CPLANE1: variants seen among roughly 807,000 people sequenced by gnomAD.
The protein encoded by CPLANE1 is ciliogenesis and planar polarity effector 1.
A neutral mutation model predicts 362.5 loss-of-function variants in CPLANE1; 263 were observed. That is an observed-to-expected ratio of 0.73 (90% CI 0.66 to 0.80). The LOEUF (loss-of-function observed/expected upper bound fraction) is 0.80, where lower values mean the gene tolerates loss of function less well. Among genes scored for constraint, CPLANE1 ranks in the 30% least tolerant of loss-of-function variants. The pLI is 0.00. For synonymous variants in CPLANE1, 1,212 were observed against 1,302.6 expected (o/e 0.93, Z 1.50); for missense variants, 3,461 against 3,793.4 (o/e 0.91, Z 2.30).
chr5:37,096,602 C>G, the CPLANE1 span, among the ~76,000 whole-genome samples: 20 of 152,140 alleles, frequency 1.3e-4, no homozygotes, highest in African/African-American at 4.8e-4. Context: ...AAGGAAGAGT[C>G]AGCAGAGTAA....
intron 10 of CPLANE1, 44 bp from the exon 11 acceptor site, chr5:37,227,436 C>T: frequency 6.6e-7 from 1 of 1,505,106 alleles, no homozygotes; most frequent in South Asian, 1.3e-5. Flanking sequence ...AAAATGTTAT[C>T]TGTAATTCTA....
chr5:37,235,905 T>C (rs1226789429), intron 8 of CPLANE1, among the ~76,000 whole-genome samples: 1 of 149,074 alleles, frequency 6.7e-6, no homozygotes, highest in Non-Finnish European at 1.5e-5. Flanking sequence ...GTTTCACTCT[T>C]GTTGCCCAGG....
In CPLANE1 at chr5:37,240,844, TA is replaced by T. The variant is rs1800246596; in HGVS notation, c.678-976del. On this transcript the variant is annotated intron_variant, in intron 6 of 52. Transcript: ENST00000651892. ...TTTTTATATGCAACCCCAAATATAT[TA>T]TACCTGCTTCCACTAAAAGTTTGGA... is the stretch of plus-strand genomic sequence containing the variant. 2.6e-5 allele frequency among the ~76,000 whole-genome samples: 4 copies of T among 152,358 alleles called. No individual in the cohort carries two copies. In the East Asian group the frequency reaches 7.7e-4, roughly 29 times the overall value.
downstream of CPLANE1, among the ~76,000 whole-genome samples, chr5:37,104,874 G>C (rs779007538): frequency 4.6e-5 from 7 of 152,034 alleles, no homozygotes; most frequent in Non-Finnish European, 7.4e-5. Context: ...AGTGAGCCAA[G>C]ATTGTGCCAT....
Position 37,183,249 on chromosome 5 carries a change from G to A in CPLANE1, c.4932C>T (p.Asn1644=). The change falls in exon 26 of 53, where the codon AAC becomes AAT. Residue 1644 remains asparagine (N), a synonymous_variant. Transcript: ENST00000651892. Reference sequence around the variant, plus strand: ...CCAGTACTGATGATGAAAGTTTCTGGTTTTCTAAATGCATGCCATATTCAT... The same window carrying A: ...CCAGTACTGATGATGAAAGTTTCTGATTTTCTAAATGCATGCCATATTCAT... ...LNDEYGMHLE[N]QKLSSSVLVN... is the part of the protein sequence containing the mutation. 3.1e-6 allele frequency: 5 copies of A among 1,612,538 alleles called. No homozygotes were observed. The highest frequency in any genetic ancestry group is 4.2e-6 in the Non-Finnish European group (5 of 1,179,662).
chr5:37,198,798 C>G lies in CPLANE1; in HGVS notation c.3576G>C (p.Gln1192His). Residue 1192 changes from glutamine (Q) to histidine (H), a missense_variant, in exon 20 of 53, where the codon CAG (glutamine) becomes CAC (histidine). By Grantham distance (24) the Gln-to-His change is conservative (BLOSUM62 0). Transcript: ENST00000651892. ...NNRQKVSGIL[Q>H]RVLLLFRAAQ... ...CCGCCCGGAAAAGCAGGAGAACACG[C>G]TGAAGGATTCCAGATACCTTCTGGC... 6.2e-7 allele frequency: 1 copy of G among 1,614,080 alleles called. No individual in the cohort carries two copies. The highest frequency in any genetic ancestry group is 8.5e-7 in the Non-Finnish European group (1 of 1,180,014).
chr5:37,124,586 T>A (rs944344767), intron 47 of CPLANE1, among the ~76,000 whole-genome samples: 10 of 152,142 alleles, frequency 6.6e-5, no homozygotes, highest in Non-Finnish European at 1.5e-4. Flanking sequence ...AGGGTCGCCC[T>A]TTGTCTCCCA....
At position 37,164,324 on chromosome 5, in the gene CPLANE1, G is replaced by T; in HGVS notation, c.7537C>A (p.Gln2513Lys). The change falls in exon 37 of 53, where the codon CAA (glutamine) becomes AAA (lysine). Residue 2513 changes from glutamine to lysine, a missense_variant. Physicochemically the swap from Gln to Lys is moderately conservative, Grantham distance 53 (BLOSUM62 1). Coordinates refer to ENST00000651892, the MANE Select transcript of CPLANE1 (RefSeq NM_001384732.1). ...GGATGGGAACCACAATGTTCTTGTT[G>T]TTCCTAAATGAATTCCCACAGGATT... ...DSEIIKKPKE[Q>K]QEHCGSHPLD... is the part of the protein sequence containing the mutation. 6.2e-7 allele frequency: 1 copy of T among 1,612,322 alleles called. No homozygotes were observed. The highest frequency in any genetic ancestry group is 1.1e-5 in the South Asian group (1 of 91,016).
At chr5:37,149,753 C>T (rs1402721509) in intron 42 of CPLANE1, among the ~76,000 whole-genome samples, 3 of 152,072 alleles carry the variant, frequency 2.0e-5, no homozygotes, top group African/African-American at 7.2e-5. Flanking sequence ...ACAGAAACCT[C>T]GGAAAACAAA....
chr5:37,177,540 T>C (rs987757977), intron 30 of CPLANE1, 81 bp downstream of exon 30: 1 of 963,706 alleles, frequency 1.0e-6, no homozygotes, highest in Non-Finnish European at 1.6e-6. Context: ...AAATCATGTA[T>C]TGTAAATTAT....
chr5:37,189,052 T>A (rs1198028224), intron 21 of CPLANE1, among the ~76,000 whole-genome samples: 1 of 152,178 alleles, frequency 6.6e-6, no homozygotes, highest in East Asian at 1.9e-4. Flanking sequence ...TTTCACCATG[T>A]TGGCCAGGCT....
At chr5:37,113,603 A>T (rs1759995374) in intron 51 of CPLANE1, among the ~76,000 whole-genome samples, 1 of 152,154 alleles carries the variant, frequency 6.6e-6, no homozygotes, top group South Asian at 2.1e-4. Context: ...TACCCAATAG[A>T]TCTTCTAGAA....
chr5:37,132,079 G>A (rs1407805163), intron 46 of CPLANE1, among the ~76,000 whole-genome samples: 1 of 152,012 alleles, frequency 6.6e-6, no homozygotes, highest in Admixed American at 6.6e-5. Flanking sequence ...GTTTAACATG[G>A]TCTTAATATA....
the CPLANE1 span, among the ~76,000 whole-genome samples, chr5:37,078,374 T>A: frequency 6.6e-6 from 1 of 152,182 alleles, no homozygotes; most frequent in Non-Finnish European, 1.5e-5. Flanking sequence ...AATGACAAGA[T>A]CTTGTTCTTT....
intron 45 of CPLANE1, 42 bp from the exon 46 acceptor site, chr5:37,138,890 T>C (rs1396762195): frequency 3.2e-6 from 5 of 1,550,340 alleles, no homozygotes; most frequent in Non-Finnish European, 4.4e-6. Flanking sequence ...AATCAGTATC[T>C]ACAACTTAAT....
chr5:37,140,330 T>C (rs1769287620), intron 44 of CPLANE1: 1 of 978,628 alleles, frequency 1.0e-6, no homozygotes, highest in African/African-American at 1.8e-5. Flanking sequence ...ATGAAATACC[T>C]GTTTTCTTGA....
intron 20 of CPLANE1, among the ~76,000 whole-genome samples, chr5:37,196,488 A>G (rs1787486997): frequency 6.6e-6 from 1 of 152,214 alleles, no homozygotes; most frequent in African/African-American, 2.4e-5. Flanking sequence ...TAACAGAGTA[A>G]AAAGCTGAGG....
chr5:37,211,112 T>G (rs1316370425), intron 16 of CPLANE1: 65 of 1,062,094 alleles, frequency 6.1e-5, no homozygotes, highest in Non-Finnish European at 8.5e-5. Flanking sequence ...TTCACAATGG[T>G]GAGATAAGTG....
intron 20 of CPLANE1, 86 bp from the exon 21 acceptor site, chr5:37,196,082 G>A: frequency 9.1e-7 from 1 of 1,097,414 alleles, no homozygotes; most frequent in Non-Finnish European, 1.2e-6. Flanking sequence ...AGGCAGGTAA[G>A]ATAAGCCACA....
Sources: gnomAD v4.1 joint callset for allele counts (sites outside exome capture counted in the v4.1 genomes callset) on GRCh38, gnomAD v4.1.1 for gene constraint, MANE v1.5 for transcripts, NCBI Gene and HGNC (gene_info 2026-07-23, HGNC 2026-07-21) for gene names.